TENM3: variants seen among roughly 807,000 people sequenced by gnomAD.
TENM3 encodes teneurin transmembrane protein 3.
TENM3 carries 63 observed loss-of-function variants against 255.1 expected under a neutral mutation model. That is an observed-to-expected ratio of 0.25 (90% confidence interval 0.20 to 0.30). TENM3 has a LOEUF of 0.30. Ranked by LOEUF, TENM3 falls within the 10% of genes least tolerant of loss-of-function variation. The pLI is 1.00. For missense variants in TENM3, 2,929 were observed against 3,461.1 expected, an observed-to-expected ratio of 0.85 and a Z score of 3.86; for synonymous variants, 1,306 against 1,322.3, an observed-to-expected ratio of 0.99 and a Z score of 0.27.
chr4:182,551,847 C>T (rs1055640710), intron 3 of TENM3, among the ~76,000 whole-genome samples: 1 of 151,664 alleles, frequency 6.6e-6, no homozygotes, highest in Non-Finnish European at 1.5e-5. Context: ...ATAGTGAGAC[C>T]CCCATCCCTA....
At chr4:182,503,691 AT>A (rs1245496531) in intron 3 of TENM3, among the ~76,000 whole-genome samples, 1 of 152,052 alleles carries the variant, frequency 6.6e-6, no homozygotes, top group African/African-American at 2.4e-5. Context: ...ACAGAGCCAA[AT>A]TTAGCCAATG....
At chr4:182,008,661 G>C in the TENM3 span, among the ~76,000 whole-genome samples, 2 of 151,922 alleles carry the variant, frequency 1.3e-5, no homozygotes, top group African/African-American at 4.8e-5. Flanking sequence ...CTTTGTATTG[G>C]GTTGAACATG....
At chr4:181,485,146 G>A in the TENM3 span, among the ~76,000 whole-genome samples, 6 of 152,122 alleles carry the variant, frequency 3.9e-5, no homozygotes, top group Non-Finnish European at 8.8e-5. Flanking sequence ...GTCAATCATT[G>A]ACAGTGATTT....
At chr4:182,096,068 G>A in the TENM3 span, among the ~76,000 whole-genome samples, 2 of 149,348 alleles carry the variant, frequency 1.3e-5, no homozygotes, top group African/African-American at 2.5e-5. Context: ...AGGTCAAGAC[G>A]ACAGTGAGCC....
At chr4:181,598,239 C>A in the TENM3 span, among the ~76,000 whole-genome samples, 1 of 152,168 alleles carries the variant, frequency 6.6e-6, no homozygotes, top group South Asian at 2.1e-4. Flanking sequence ...CAACAAACTG[C>A]TAACTCTAGC....
chr4:181,502,486 T>C, the TENM3 span, among the ~76,000 whole-genome samples: 1 of 152,160 alleles, frequency 6.6e-6, no homozygotes, highest in Non-Finnish European at 1.5e-5. Context: ...GAAACAGGTA[T>C]TCAGGTTTCC....
chr4:182,494,185 A>G (rs7668237), intron 3 of TENM3, among the ~76,000 whole-genome samples: 49,932 of 152,014 alleles, frequency 0.33, 9,129 homozygotes, highest in Non-Finnish European at 0.4. Flanking sequence ...GGAAAGGAAA[A>G]TGAAAAGACA....
At chr4:181,516,273 G>A in the TENM3 span, among the ~76,000 whole-genome samples, 117 of 151,708 alleles carry the variant, frequency 7.7e-4, no homozygotes, top group Non-Finnish European at 1.4e-3. Context: ...TAATACATAG[G>A]TGATGGGTTG....
chr4:181,561,121 T>C, the TENM3 span, among the ~76,000 whole-genome samples: 1 of 152,100 alleles, frequency 6.6e-6, no homozygotes, highest in Non-Finnish European at 1.5e-5. Context: ...GTCCGGCTAA[T>C]TTTTGTATTT....
intron 4 of TENM3, among the ~76,000 whole-genome samples, chr4:182,609,206 A>C (rs1224966667): frequency 6.6e-6 from 1 of 152,160 alleles, no homozygotes. Flanking sequence ...CAGTCTACCC[A>C]CCTGGGCCTC....
the TENM3 span, among the ~76,000 whole-genome samples, chr4:181,824,526 C>T: frequency 6.6e-6 from 1 of 152,130 alleles, no homozygotes; most frequent in Non-Finnish European, 1.5e-5. Flanking sequence ...ACAATCTCAA[C>T]TGTCCACGTC....
chr4:182,736,871 G>A lies in TENM3; in HGVS notation c.3031G>A (p.Ala1011Thr), dbSNP rs1380984706. The A allele has an allele frequency of 1.2e-6, 2 of 1,613,542 alleles. No homozygotes were observed. Among genetic ancestry groups the A allele is most frequent in the Admixed American group, 3.3e-5 (2 of 59,976 alleles). ...GAAACTCTCCTACTTGAGTTCCAGA[G>A]CTGCAGGGTATAAGTCAGTTCTCAA... The part of the protein sequence containing the change: ...DLKLSYLSSR[A>T]AGYKSVLKIT... Residue 1011 changes from alanine (A) to threonine (T), a missense_variant, in exon 17 of 28, where the codon GCT (alanine) becomes ACT (threonine). Coordinates refer to ENST00000511685, the MANE Select transcript of TENM3 (RefSeq NM_001080477.4).
chr4:181,829,410 G>A, the TENM3 span, among the ~76,000 whole-genome samples: 1 of 152,152 alleles, frequency 6.6e-6, no homozygotes, highest in Admixed American at 6.5e-5. Flanking sequence ...GTGTTAAAGG[G>A]GATGACCTGC....
At chr4:182,217,864 A>G (rs1171715534) in intron 1 of TENM3, among the ~76,000 whole-genome samples, 1 of 152,228 alleles carries the variant, frequency 6.6e-6, no homozygotes, top group Non-Finnish European at 1.5e-5. Flanking sequence ...GCCCCATAAA[A>G]AGAAAGGTAT....
rs1430711939 is a variant in TENM3 at position 182,802,055 on chromosome 4, T to C, written c.*1704T>C. On this transcript the variant is annotated 3_prime_UTR_variant, in exon 28 of 28. Transcript: ENST00000511685. The stretch of plus-strand genomic sequence containing the variant: ...TAAATATAAAGGTTCAAGTGATGTA[T>C]TGAAAATAATTTTCTAACTGCTTTG... 1.3e-5 allele frequency: 2 copies of C among 152,672 alleles called. No individual in the cohort carries two copies. Among genetic ancestry groups the C allele is most frequent in the East Asian group, 1.9e-4 (1 of 5,198 alleles). 9.5% of individuals were successfully genotyped at this position (152,672 alleles called of 1,614,324 possible).
At chr4:181,904,912 C>T in the TENM3 span, among the ~76,000 whole-genome samples, 1,221 of 152,188 alleles carry the variant, frequency 8.0e-3, 14 homozygotes, top group African/African-American at 0.024. Context: ...ATGGGTCTCA[C>T]GAACTCTGAT....
At chr4:182,563,405 G>A (rs1011395302) in intron 3 of TENM3, among the ~76,000 whole-genome samples, 1 of 152,086 alleles carries the variant, frequency 6.6e-6, no homozygotes. Flanking sequence ...CGGCACTCCA[G>A]CCTGGGTGAC....
intron 24 of TENM3, among the ~76,000 whole-genome samples, chr4:182,788,430 C>T (rs1765852984): frequency 6.6e-6 from 1 of 152,224 alleles, no homozygotes; most frequent in African/African-American, 2.4e-5. Flanking sequence ...TATGACAACA[C>T]ATGGTGCTGA....
At chr4:182,725,078 G>A (rs1197755093) in intron 13 of TENM3, among the ~76,000 whole-genome samples, 1 of 151,228 alleles carries the variant, frequency 6.6e-6, no homozygotes, top group African/African-American at 2.4e-5. Flanking sequence ...TTTGAAACAG[G>A]GCCTCTCCCT....
Sources: allele counts gnomAD v4.1 joint callset (sites outside exome capture counted in the v4.1 genomes callset), GRCh38; gene constraint gnomAD v4.1.1; transcripts MANE v1.5; gene names NCBI Gene and HGNC (gene_info 2026-07-23, HGNC 2026-07-21).